STRBP: variants seen among roughly 807,000 people sequenced by gnomAD.
STRBP encodes the protein spermatid perinuclear RNA binding protein, also known as spermatid perinuclear RNA-binding protein.
Under a neutral mutation model 80.1 loss-of-function variants are expected in STRBP, and 13 were observed. The observed-to-expected ratio is 0.16, with a 90% confidence interval of 0.11 to 0.26. STRBP has a LOEUF of 0.26. Ranked by LOEUF, STRBP falls within the 10% of genes least tolerant of loss-of-function variation. STRBP has a pLI of 1.00. For synonymous variants in STRBP, 284 were observed against 291.2 expected, an observed-to-expected ratio of 0.98 and a Z score of 0.25; for missense variants, 485 against 815.2, an observed-to-expected ratio of 0.59 and a Z score of 4.93.
chr9:123,127,305 C>A (rs920714345), intron 18 of STRBP, among the ~76,000 whole-genome samples: 7 of 152,160 alleles, frequency 4.6e-5, no homozygotes, highest in Non-Finnish European at 8.8e-5. Context: ...AGGTCTGAGG[C>A]TCATGTAGAG....
At chr9:123,265,382 T>C (rs1270726641) in intron 1 of STRBP, among the ~76,000 whole-genome samples, 1 of 152,174 alleles carries the variant, frequency 6.6e-6, no homozygotes, top group Non-Finnish European at 1.5e-5. Context: ...GCTCCCAAGC[T>C]ACCAAAGCGA....
At chr9:123,234,335 CAAA>C (rs80193172) in intron 2 of STRBP, among the ~76,000 whole-genome samples, 1 of 124,820 alleles carries the variant, frequency 8.0e-6, no homozygotes, top group African/African-American at 3.0e-5. Flanking sequence ...ATTCAGAAGA[CAAA>C]AAAAAAAAAG....
intron 2 of STRBP, among the ~76,000 whole-genome samples, chr9:123,222,177 C>CTT (rs56900010): frequency 2.1e-5 from 3 of 144,438 alleles, no homozygotes; most frequent in African/African-American, 7.6e-5. Context: ...GCAGTGTTTT[C>CTT]TTTTTTTTTT....
intron 5 of STRBP, among the ~76,000 whole-genome samples, chr9:123,172,557 A>C (rs1246854046): frequency 6.6e-6 from 1 of 152,170 alleles, no homozygotes; most frequent in African/African-American, 2.4e-5. Flanking sequence ...TCTCCATCAA[A>C]ATTGAAAGTG....
chr9:123,123,532 T>A lies in STRBP; in HGVS notation c.*2065A>T, dbSNP rs1564208895. On this transcript the variant is annotated 3_prime_UTR_variant, in exon 19 of 19. Coordinates refer to ENST00000348403, the MANE Select transcript of STRBP (RefSeq NM_018387.5). ...AGTAACTTCCAACAAACAACAAAAT[T>A]AAAAAAAAAAAAAAAAGACTTGGTA... 1.6e-5 allele frequency: 9 copies of A among 568,524 alleles called. No homozygotes were observed. The highest frequency in any genetic ancestry group is 4.1e-5 in the African/African-American group (2 of 48,662). The allele number at this position is 568,524 out of a possible 1,614,324, so 35.2% of individuals were successfully genotyped here.
At chr9:123,175,146 C>CACCAAGTTAA (rs1274926776) in intron 4 of STRBP, among the ~76,000 whole-genome samples, 1 of 152,178 alleles carries the variant, frequency 6.6e-6, no homozygotes, top group Non-Finnish European at 1.5e-5. Flanking sequence ...GTTAATTGTT[C>CACCAAGTTAA]AAGTTCACCA....
At chr9:123,176,242 C>T (rs765257630) in intron 4 of STRBP, among the ~76,000 whole-genome samples, 18 of 152,140 alleles carry the variant, frequency 1.2e-4, no homozygotes, top group Non-Finnish European at 2.1e-4. Context: ...AAAACCCTAC[C>T]CCTATCCATC....
intron 9 of STRBP, 144 bp from the exon 10 acceptor site, chr9:123,158,573 T>C: frequency 1.5e-6 from 1 of 680,454 alleles, no homozygotes; most frequent in South Asian, 1.9e-5. Flanking sequence ...CTCAGTTAAG[T>C]GGAGTAAAAA....
chr9:123,147,052 G>A lies in STRBP; in HGVS notation c.1141C>T (p.Leu381=), dbSNP rs1187991235. 1.4e-5 allele frequency: 22 copies of A among 1,612,086 alleles called. No individual in the cohort carries two copies. Among genetic ancestry groups the A allele is most frequent in the Non-Finnish European group, 1.8e-5 (21 of 1,178,660 alleles). ...ATAAGGTCTATTGCTTTACTATCCAGAACTGTTAAAGAAAGAGGAATGAGG... is the reference window on the plus strand; with the variant it reads ...ATAAGGTCTATTGCTTTACTATCCAAAACTGTTAAAGAAAGAGGAATGAGG... The part of the protein sequence containing the change: ...KKMKRNLRKI[L]DSKAIDLMNA... The change falls in exon 13 of 19, where the codon CTG becomes TTG. Residue 381 remains leucine (L), a splice_region_variant and synonymous_variant. Coordinates refer to ENST00000348403, the MANE Select transcript of STRBP (RefSeq NM_018387.5).
At chr9:123,133,576 T>A (rs1022403517) in intron 16 of STRBP, among the ~76,000 whole-genome samples, 2 of 152,064 alleles carry the variant, frequency 1.3e-5, no homozygotes, top group Non-Finnish European at 2.9e-5. Flanking sequence ...TCTCGCTCTG[T>A]CACCCAGGCT....
intron 2 of STRBP, among the ~76,000 whole-genome samples, chr9:123,203,771 T>C (rs2039414819): frequency 6.6e-6 from 1 of 152,044 alleles, no homozygotes; most frequent in Non-Finnish European, 1.5e-5. Flanking sequence ...CAGGAGTTCA[T>C]GACCAGCCTG....
In STRBP at chr9:123,258,435, G is replaced by C. The variant is rs138508426; in HGVS notation, c.-302+10001C>G. Among the ~76,000 whole-genome samples, 19 of 152,312 alleles carry C rather than the reference G, an allele frequency of 1.2e-4. No individual in the cohort carries two copies. The East Asian group carries it at 3.7e-3, about 29-fold the overall frequency. On this transcript the variant is annotated intron_variant, in intron 1 of 18. Coordinates refer to ENST00000348403, the MANE Select transcript of STRBP (RefSeq NM_018387.5). ...ACAAGATGGAGCCAAGCAAATGTCT[G>C]AAAAACTGCATTCTGGACAGGGTAA...
At chr9:123,178,251 A>G (rs1484808789) in intron 4 of STRBP, among the ~76,000 whole-genome samples, 3 of 152,252 alleles carry the variant, frequency 2.0e-5, no homozygotes, top group Non-Finnish European at 4.4e-5. Flanking sequence ...CTTACAAATT[A>G]TAGCCAAAGC....
chr9:123,223,296 T>C (rs1324641370), intron 2 of STRBP, among the ~76,000 whole-genome samples: 2 of 152,128 alleles, frequency 1.3e-5, no homozygotes, highest in Non-Finnish European at 2.9e-5. Flanking sequence ...AACCATAACA[T>C]TATAAATATT....
chr9:123,188,638 T>C (rs2038798350), intron 2 of STRBP, among the ~76,000 whole-genome samples: 2 of 152,092 alleles, frequency 1.3e-5, no homozygotes, highest in Admixed American at 6.5e-5. Flanking sequence ...TGAGACTCCA[T>C]CTCAAAAATA....
chr9:123,232,529 A>G (rs1032582238), intron 2 of STRBP, among the ~76,000 whole-genome samples: 17 of 152,178 alleles, frequency 1.1e-4, no homozygotes, highest in African/African-American at 3.9e-4. Flanking sequence ...CACAAAAGTG[A>G]GCTTCCAACA....
At chr9:123,163,854 T>G (rs907729093) in intron 6 of STRBP, among the ~76,000 whole-genome samples, 4 of 152,180 alleles carry the variant, frequency 2.6e-5, no homozygotes, top group Non-Finnish European at 5.9e-5. Context: ...GTTTAAATTT[T>G]GAGGAGGATC....
At position 123,122,964 on chromosome 9, in the gene STRBP, A is replaced by C. The variant is rs1200565686; in HGVS notation, c.*2633T>G. ...TTTAAAACAGACACCGTGGCTTTGAACAAAGTATTGCTCTTCTTTAAAATG... is the reference window on the plus strand; with the variant it reads ...TTTAAAACAGACACCGTGGCTTTGACCAAAGTATTGCTCTTCTTTAAAATG... On this transcript the variant is annotated 3_prime_UTR_variant, in exon 19 of 19. Coordinates refer to ENST00000348403, the MANE Select transcript of STRBP (RefSeq NM_018387.5). The C allele has an allele frequency of 4.1e-6, 4 of 985,484 alleles. No homozygotes were observed. In the East Asian group the frequency reaches 3.4e-4, roughly 84 times the overall value. The allele number at this position is 985,484 out of a possible 1,614,324, so 61.0% of individuals were successfully genotyped here.
intron 2 of STRBP, among the ~76,000 whole-genome samples, chr9:123,223,852 G>A (rs972133163): frequency 2.6e-5 from 4 of 151,954 alleles, no homozygotes; most frequent in East Asian, 1.9e-4. Context: ...ATTTCTTTGC[G>A]GGATAAGCTC....
Sources: gnomAD v4.1 joint callset for allele counts (sites outside exome capture counted in the v4.1 genomes callset) on GRCh38, gnomAD v4.1.1 for gene constraint, MANE v1.5 for transcripts, NCBI Gene and HGNC (gene_info 2026-07-23, HGNC 2026-07-21) for gene names.